DEPDC5: variants seen among roughly 807,000 people sequenced by gnomAD.
The protein encoded by DEPDC5 is GATOR1 complex protein DEPDC5.
Under a neutral mutation model 217.3 loss-of-function variants are expected in DEPDC5, and 73 were observed. That is an observed-to-expected ratio of 0.34 (90% confidence interval 0.28 to 0.41). The LOEUF is 0.41. Among genes scored for constraint, DEPDC5 ranks in the 10% least tolerant of loss-of-function variants. The pLI is 1.00. For synonymous variants in DEPDC5, 733 were observed against 756.7 expected, an observed-to-expected ratio of 0.97 and a Z score of 0.51; for missense variants, 1,675 against 2,070.1, an observed-to-expected ratio of 0.81 and a Z score of 3.70.
intron 41 of DEPDC5, among the ~76,000 whole-genome samples, chr22:31,902,814 G>A (rs2093674311): frequency 6.6e-6 from 1 of 152,034 alleles, no homozygotes; most frequent in African/African-American, 2.4e-5. Flanking sequence ...TGGAGAGCCC[G>A]GTGATGCACC....
chr22:31,776,149 T>C (rs1350253379), intron 7 of DEPDC5, among the ~76,000 whole-genome samples: 2 of 147,184 alleles, frequency 1.4e-5, no homozygotes, highest in Non-Finnish European at 3.0e-5. Flanking sequence ...TCTCACTCTG[T>C]TGCCCAGACT....
intron 33 of DEPDC5, among the ~76,000 whole-genome samples, chr22:31,864,107 CT>C (rs1418904511): frequency 7.6e-6 from 1 of 131,118 alleles, no homozygotes; most frequent in African/African-American, 3.4e-5. Context: ...CAGTTGGATG[CT>C]TTCTTTTTTT....
Position 31,803,420 on chromosome 22 carries a change from G to A in DEPDC5, c.1081+582G>A, listed in dbSNP as rs372335205. ...GTAGAGGTGGAGCTTCTCCGTGTTA[G>A]CCAGGATGGTCTCGATCTCCTGACC... On this transcript the variant is annotated intron_variant, in intron 15 of 42. Transcript: ENST00000651528. 5.3e-5 allele frequency among the ~76,000 whole-genome samples: 8 copies of A among 152,158 alleles called. No homozygotes were observed. In the South Asian group the frequency reaches 1.0e-3, roughly 20 times the overall value.
chr22:31,837,797 G>C (rs928716489), intron 26 of DEPDC5, among the ~76,000 whole-genome samples: 1 of 151,988 alleles, frequency 6.6e-6, no homozygotes, highest in African/African-American at 2.4e-5. Context: ...TACCTCCCAG[G>C]TTCAAGCGAT....
intron 2 of DEPDC5, 57 bp downstream of exon 2, chr22:31,755,036 C>T: frequency 1.3e-6 from 2 of 1,589,982 alleles, no homozygotes; most frequent in East Asian, 2.2e-5. Context: ...CTGGTGTGTG[C>T]AATACCTAGA....
rs1365441127 is a variant in DEPDC5 at position 31,907,712 on chromosome 22, ACT to A, written c.*1217_*1218del. ...CCTAACTTAGATTTGCTGAGATAAG[ACT>A]CAGCTTGGTGCTTCACCTCAGCACC... is the stretch of plus-strand genomic sequence containing the variant. On this transcript the variant is annotated 3_prime_UTR_variant, in exon 43 of 43. Coordinates refer to ENST00000651528, the MANE Select transcript of DEPDC5 (RefSeq NM_001242896.3). 1 of 152,152 alleles carries A rather than the reference ACT, an allele frequency of 6.6e-6. No homozygotes were observed. The highest frequency in any genetic ancestry group is 2.4e-5 in the African/African-American group (1 of 41,380). 9.4% of individuals were successfully genotyped at this position (152,152 alleles called of 1,614,324 possible). A position where few individuals can be genotyped will look rare whatever the true frequency, so the allele number is the denominator to read the frequency against.
rs772532384 is a variant in DEPDC5, at chr22:31,846,899, T to C, written c.3087T>C (p.Thr1029=). 1 of 1,614,100 alleles carries C rather than the reference T, an allele frequency of 6.2e-7. No individual in the cohort carries two copies. The highest frequency in any genetic ancestry group is 1.3e-5 in the African/African-American group (1 of 74,942). The change falls in exon 31 of 43, where the codon ACT becomes ACC. Residue 1029 remains threonine, a synonymous_variant. Transcript: ENST00000651528. ...TTTCCACGCATTCTCTGGAGTCAAC[T>C]GCACCCCCAGTGGGGAAGAAGGGAA... ...GPISTHSLES[T]APPVGKKGTS...
chr22:31,786,236 A>G (rs1309186070), intron 10 of DEPDC5, among the ~76,000 whole-genome samples: 1 of 151,708 alleles, frequency 6.6e-6, no homozygotes, highest in Non-Finnish European at 1.5e-5. Flanking sequence ...AGCCTGGGCA[A>G]CAGAGTGAGA....
rs1003323985 is a variant in DEPDC5 at position 31,758,982 on chromosome 22, A to C, written c.146+349A>C. Among the ~76,000 whole-genome samples the C allele has an allele frequency of 2.0e-5, 3 of 151,502 alleles. No homozygotes were observed. In the East Asian group the frequency reaches 5.8e-4, roughly 29 times the overall value. The stretch of plus-strand genomic sequence containing the variant: ...CAGTTGTGTAATCTCAGCTCACTGC[A>C]ACCTCTGCCTCCCAGCCCCAAGTGA... On this transcript the variant is annotated intron_variant, in intron 3 of 42. Transcript: ENST00000651528.
chr22:31,820,148 G>A (rs1438137993), intron 22 of DEPDC5, among the ~76,000 whole-genome samples: 2 of 152,056 alleles, frequency 1.3e-5, no homozygotes, highest in Non-Finnish European at 2.9e-5. Flanking sequence ...GTCTCACTCT[G>A]TTACGTAGGC....
At chr22:31,867,872 C>A (rs990270807) in intron 33 of DEPDC5, among the ~76,000 whole-genome samples, 18 of 152,150 alleles carry the variant, frequency 1.2e-4, no homozygotes, top group African/African-American at 3.4e-4. Context: ...TAGAGCAATT[C>A]TTGTTATAGT....
chr22:31,808,830 G>A (rs979608980), intron 18 of DEPDC5, among the ~76,000 whole-genome samples: 1 of 152,202 alleles, frequency 6.6e-6, no homozygotes, highest in African/African-American at 2.4e-5. Flanking sequence ...TTCCCAAAGT[G>A]CTGGGATTAC....
chr22:31,851,015 C>G (rs2091996084), intron 31 of DEPDC5, among the ~76,000 whole-genome samples: 1 of 151,144 alleles, frequency 6.6e-6, no homozygotes. Context: ...TTGCAGTGAG[C>G]CGAGATTGCG....
chr22:31,906,332 C>T lies in DEPDC5; in HGVS notation c.4647C>T (p.Ala1549=). The change falls in exon 43 of 43, where the codon GCC becomes GCT. Residue 1549 remains alanine (A), a synonymous_variant. Coordinates refer to ENST00000651528, the MANE Select transcript of DEPDC5 (RefSeq NM_001242896.3). The surrounding 1 kb of genome is among the most constrained non-coding windows in gnomAD (Gnocchi z 5.1). ...AGGAGCGGGTCGGCTACAACTGGGC[C>T]TACAACACCATGCTCACCAAAACAT... ...FCEERVGYNW[A]YNTMLTKTWR... 6.2e-7 allele frequency: 1 copy of T among 1,614,034 alleles called. No homozygotes were observed. Among genetic ancestry groups the T allele is most frequent in the African/African-American group, 1.3e-5 (1 of 75,080 alleles).
At chr22:31,793,710 C>T (rs1217002671) in intron 12 of DEPDC5, among the ~76,000 whole-genome samples, 1 of 152,060 alleles carries the variant, frequency 6.6e-6, no homozygotes, top group Non-Finnish European at 1.5e-5. Context: ...GCTGGGACTA[C>T]AGGCGCCCGT....
At chr22:31,768,615 T>C (rs2083033368) in intron 6 of DEPDC5, among the ~76,000 whole-genome samples, 199 bp from the exon 7 acceptor site, 2 of 152,250 alleles carry the variant, frequency 1.3e-5, no homozygotes, top group Non-Finnish European at 2.9e-5. Flanking sequence ...CCTACTGTCA[T>C]ACCTACCCTA....
At chr22:31,800,529 T>C (rs1289233361) in intron 14 of DEPDC5, among the ~76,000 whole-genome samples, 1 of 152,222 alleles carries the variant, frequency 6.6e-6, no homozygotes, top group Non-Finnish European at 1.5e-5. Flanking sequence ...GGTCAGGAAC[T>C]GGAAGGATCT....
chr22:31,803,965 A>G (rs945672226), intron 15 of DEPDC5, among the ~76,000 whole-genome samples, 197 bp from the exon 16 acceptor site: 1 of 152,200 alleles, frequency 6.6e-6, no homozygotes, highest in African/African-American at 2.4e-5. Context: ...ATACGTTAGT[A>G]GGGCACTTGG....
intron 7 of DEPDC5, among the ~76,000 whole-genome samples, chr22:31,773,665 G>T (rs138872751): frequency 0.014 from 2,093 of 152,282 alleles, 16 homozygotes; most frequent in Middle Eastern, 0.031. Flanking sequence ...AAAAGATGCT[G>T]TGGGCCTCCT....
Sources: gnomAD v4.1 joint callset for allele counts (sites outside exome capture counted in the v4.1 genomes callset) on GRCh38, gnomAD v4.1.1 for gene constraint, Gnocchi (gnomAD v3.1) non-coding constraint, MANE v1.5 for transcripts, NCBI Gene and HGNC (gene_info 2026-07-23, HGNC 2026-07-21) for gene names.